Variants in SH3GLB1 observed in about 807,000 individuals in gnomAD.
The protein encoded by SH3GLB1 is endophilin-B1.
A neutral mutation model predicts 42.0 loss-of-function variants in SH3GLB1; 17 were observed. That is an observed-to-expected ratio of 0.40 (90% CI 0.28 to 0.61). SH3GLB1 has a LOEUF of 0.61. Ranked by LOEUF, SH3GLB1 falls within the 20% of genes least tolerant of loss-of-function variation. The probability of loss-of-function intolerance (pLI) is 0.36; values close to 1 mark genes in which losing one functional copy is unlikely to be tolerated. For missense variants in SH3GLB1, 355 were observed against 426.3 expected (o/e 0.83, Z 1.47); for synonymous variants, 132 against 146.6 (o/e 0.90, Z 0.72).
chr1:86,716,411 A>C (rs912630217), intron 2 of SH3GLB1, among the ~76,000 whole-genome samples: 2 of 152,106 alleles, frequency 1.3e-5, no homozygotes, highest in African/African-American at 4.8e-5. Context: ...AGTAGCTGGG[A>C]TTACAGGCAT....
Position 86,704,827 on chromosome 1 carries a change from C to T in SH3GLB1, c.-73C>T, listed in dbSNP as rs1306132397. 9 of 1,019,438 alleles carry T rather than the reference C, an allele frequency of 8.8e-6. No homozygotes were observed. Among genetic ancestry groups the T allele is most frequent in the Non-Finnish European group, 7.2e-6 (5 of 698,976 alleles). 63.1% of individuals were successfully genotyped at this position (1,019,438 alleles called of 1,614,324 possible). ...GTCTGCCCTCGCCGCTCTAGCCCTG[C>T]GCCCCAGCCCGGCCGCGGCACCTCC... On this transcript the variant is annotated 5_prime_UTR_variant, in exon 1 of 9. Transcript: ENST00000370558.
intron 4 of SH3GLB1, 133 bp downstream of exon 4, chr1:86,722,806 T>C (rs1447075262): frequency 7.5e-6 from 5 of 663,228 alleles, no homozygotes; most frequent in Non-Finnish European, 1.2e-5. Context: ...TCAGTGCATG[T>C]TCACCAGAAC....
intron 4 of SH3GLB1, 129 bp from the exon 5 acceptor site, chr1:86,724,184 C>A: frequency 1.8e-6 from 1 of 566,154 alleles, no homozygotes. Context: ...AACTTTATAG[C>A]CAATTTTGTA....
intron 5 of SH3GLB1, among the ~76,000 whole-genome samples, chr1:86,730,840 C>T (rs188472416): frequency 1.6e-4 from 24 of 152,244 alleles, no homozygotes; most frequent in Admixed American, 1.4e-3. Context: ...TTGTTCTCTC[C>T]AGCACCAAAG....
chr1:86,713,130 A>G (rs921397800), intron 1 of SH3GLB1, among the ~76,000 whole-genome samples: 2 of 151,976 alleles, frequency 1.3e-5, no homozygotes, highest in African/African-American at 4.8e-5. Flanking sequence ...TTTATTTTAT[A>G]TTTATTTATT....
intron 2 of SH3GLB1, among the ~76,000 whole-genome samples, chr1:86,717,836 A>C (rs1418062368): frequency 6.6e-6 from 1 of 152,202 alleles, no homozygotes; most frequent in Non-Finnish European, 1.5e-5. Context: ...TTTTTCAAAA[A>C]TACGTTATGC....
intron 2 of SH3GLB1, among the ~76,000 whole-genome samples, chr1:86,716,073 T>C (rs552001937): frequency 6.6e-6 from 1 of 152,358 alleles, no homozygotes; most frequent in Admixed American, 6.5e-5. Flanking sequence ...TTCAGTCTTT[T>C]ATAGAATCCT....
At position 86,732,790 on chromosome 1, in the gene SH3GLB1, C is replaced by T. The variant is rs138363142; in HGVS notation, c.571-1812C>T. 5.7e-3 allele frequency among the ~76,000 whole-genome samples: 866 copies of T among 152,108 alleles called. 7 individuals are homozygous for T. Among genetic ancestry groups the T allele is most frequent in the African/African-American group, 0.019 (805 of 41,478 alleles). On this transcript the variant is annotated intron_variant, in intron 5 of 8. Coordinates refer to ENST00000370558, the MANE Select transcript of SH3GLB1 (RefSeq NM_016009.5). ...ATTTCTACTTCAGTCTCAATCTTCC[C>T]GGTCACCTTAATCTGCTACCTAGTT...
At chr1:86,707,987 G>T (rs7553319) in intron 1 of SH3GLB1, among the ~76,000 whole-genome samples, 2,143 of 152,222 alleles carry the variant, frequency 0.014, 52 homozygotes, top group African/African-American at 0.049. Context: ...AACAGAAGTC[G>T]CTGAAACAAC....
chr1:86,717,177 T>C (rs1654584783), intron 2 of SH3GLB1, among the ~76,000 whole-genome samples: 1 of 152,200 alleles, frequency 6.6e-6, no homozygotes, highest in South Asian at 2.1e-4. Flanking sequence ...CCTAATGTCT[T>C]TGGACACCAT....
intron 1 of SH3GLB1, among the ~76,000 whole-genome samples, chr1:86,705,470 C>T (rs1427413618): frequency 6.6e-6 from 1 of 152,204 alleles, no homozygotes; most frequent in Non-Finnish European, 1.5e-5. Flanking sequence ...GGCCCTCTTT[C>T]TCCCTGAAAG....
At chr1:86,742,672 A>G (rs1385023687) in intron 8 of SH3GLB1, among the ~76,000 whole-genome samples, 1 of 152,188 alleles carries the variant, frequency 6.6e-6, no homozygotes, top group East Asian at 1.9e-4. Context: ...AAGATCCTTT[A>G]TCTAGGCCAG....
chr1:86,742,479 A>C (rs370021984), intron 8 of SH3GLB1, 43 bp downstream of exon 8: 1 of 1,434,748 alleles, frequency 7.0e-7, no homozygotes, highest in Non-Finnish European at 9.8e-7. Context: ...TCACGAATTG[A>C]CATACCTTCT....
intron 5 of SH3GLB1, among the ~76,000 whole-genome samples, chr1:86,725,076 T>A (rs1159908207): frequency 2.0e-5 from 3 of 150,586 alleles, no homozygotes; most frequent in African/African-American, 7.3e-5. Context: ...ATGTGTCATT[T>A]TTTTTAAATA....
intron 8 of SH3GLB1, among the ~76,000 whole-genome samples, chr1:86,742,772 C>T (rs1656119010): frequency 6.6e-6 from 1 of 152,024 alleles, no homozygotes; most frequent in Non-Finnish European, 1.5e-5. Flanking sequence ...CCAGCCTGGG[C>T]AACATAGCGA....
chr1:86,724,888 A>ATATATATATATAT (rs1428217607), intron 5 of SH3GLB1, among the ~76,000 whole-genome samples: 7 of 99,490 alleles, frequency 7.0e-5, no homozygotes, highest in African/African-American at 3.3e-4. Context: ...AAAAAAAAAA[A>ATATATATATATAT]AAAAATATAT....
At chr1:86,728,480 A>G in intron 5 of SH3GLB1, 1 of 1,543,904 alleles carries the variant, frequency 6.5e-7, no homozygotes, top group Non-Finnish European at 8.8e-7. Context: ...TGCATGTAAA[A>G]TGGCTGAAGG....
intron 1 of SH3GLB1, among the ~76,000 whole-genome samples, chr1:86,714,302 C>G (rs1397153766): frequency 6.6e-6 from 1 of 152,176 alleles, no homozygotes; most frequent in East Asian, 1.9e-4. Context: ...AATGAGGTTG[C>G]ATAGTTTATC....
chr1:86,738,664 CAG>C (rs979823422), intron 7 of SH3GLB1: 2 of 151,910 alleles, frequency 1.3e-5, no homozygotes, highest in Admixed American at 6.6e-5. Flanking sequence ...GTTTTAGAGA[CAG>C]AGTTTCACTC....
Sources: gnomAD v4.1 joint callset for allele counts (sites outside exome capture counted in the v4.1 genomes callset) on GRCh38, gnomAD v4.1.1 for gene constraint, MANE v1.5 for transcripts, NCBI Gene and HGNC (gene_info 2026-07-23, HGNC 2026-07-21) for gene names.